Variants in VIPR2 observed in about 807,000 individuals in gnomAD.
VIPR2 encodes vasoactive intestinal peptide receptor 2.
VIPR2 carries 48 observed loss-of-function variants against 58.0 expected under a neutral mutation model. That is an observed-to-expected ratio of 0.83 (90% CI 0.66 to 1.05). VIPR2 has a LOEUF of 1.05. Among genes scored for constraint, VIPR2 ranks in the 50% least tolerant of loss-of-function variants. The pLI is 0.00. For synonymous variants in VIPR2, 243 were observed against 235.2 expected (o/e 1.03, Z -0.30); for missense variants, 534 against 558.0 (o/e 0.96, Z 0.43).
chr7:159,134,481 A>G (rs971103213), intron 2 of VIPR2, among the ~76,000 whole-genome samples: 4 of 152,202 alleles, frequency 2.6e-5, no homozygotes, highest in African/African-American at 9.6e-5. Flanking sequence ...AAAAAAGAAG[A>G]AAATGAGTAA....
In VIPR2 at chr7:159,031,486, G is replaced by A. The variant is rs571349192; in HGVS notation, c.1143+342C>T. On this transcript the variant is annotated intron_variant, in intron 12 of 12. Coordinates refer to ENST00000262178, the MANE Select transcript of VIPR2 (RefSeq NM_003382.5). This position sits in a 1 kb window ranked among gnomAD's most constrained non-coding sequence, Gnocchi z 4.0. The stretch of plus-strand genomic sequence containing the variant: ...CCCCCAACCCAGGCCCGGCTTTCTG[G>A]GACTCACAAGCTATGGTCAGGAGCG... 0.011 allele frequency: 11,060 copies of A among 985,382 alleles called. 56 individuals carry two copies. Among genetic ancestry groups the A allele is most frequent in the Non-Finnish European group, 0.013 (10,534 of 829,894 alleles). The allele number at this position is 985,382 out of a possible 1,614,324, so 61.0% of individuals were successfully genotyped here.
At chr7:159,101,499 C>T (rs189341933) in intron 4 of VIPR2, among the ~76,000 whole-genome samples, 5,733 of 73,852 alleles carry the variant, frequency 0.078, 246 homozygotes, top group Admixed American at 0.085. Context: ...TTCCCCCGAC[C>T]GTTCCTGTGG....
At chr7:159,057,291 T>C (rs971096673) in intron 5 of VIPR2, among the ~76,000 whole-genome samples, 10 of 152,134 alleles carry the variant, frequency 6.6e-5, no homozygotes, top group Non-Finnish European at 1.3e-4. Flanking sequence ...ATAAGTATAA[T>C]AGAACAAATA....
At position 159,036,774 on chromosome 7, in the gene VIPR2, C is replaced by T; in HGVS notation, c.726G>A (p.Leu242=). ...VAMLPPRRCF[L]AYLLIGWGLP... ...TACCCCATCCGATCAGGAGGTAGGC[C>T]AGGAAGCACCTTCTAGGGGGGAGCA... The change falls in exon 7 of 13, where the codon CTG becomes CTA. Residue 242 remains leucine (L), a synonymous_variant. Coordinates refer to ENST00000262178, the MANE Select transcript of VIPR2 (RefSeq NM_003382.5). The T allele has an allele frequency of 6.2e-7, 1 of 1,613,570 alleles. No homozygotes were observed. Among genetic ancestry groups the T allele is most frequent in the South Asian group, 1.1e-5 (1 of 91,006 alleles).
rs1035374773 is a variant in VIPR2 at position 159,128,771 on chromosome 7, C to T, written c.151+13675G>A. Reference sequence around the variant, plus strand: ...ACCTTCCTGAAACACAGCTCACATGCGAACCCCACTTCTCAGGAGCCTTCA... The same window carrying T: ...ACCTTCCTGAAACACAGCTCACATGTGAACCCCACTTCTCAGGAGCCTTCA... On this transcript the variant is annotated intron_variant, in intron 2 of 12. Coordinates refer to ENST00000262178, the MANE Select transcript of VIPR2 (RefSeq NM_003382.5). This position sits in a 1 kb window ranked among gnomAD's most constrained non-coding sequence, Gnocchi z 4.1. Among the ~76,000 whole-genome samples, 2 of 152,298 alleles carry T rather than the reference C, an allele frequency of 1.3e-5. No individual in the cohort carries two copies. Among genetic ancestry groups the T allele is most frequent in the South Asian group, 4.1e-4 (2 of 4,826 alleles).
chr7:159,138,658 C>T (rs565768968), intron 2 of VIPR2, among the ~76,000 whole-genome samples: 6 of 152,292 alleles, frequency 3.9e-5, no homozygotes, highest in Admixed American at 3.3e-4. Context: ...AGCAAGATGC[C>T]GAGCACATGT....
chr7:159,140,356 G>A (rs1254035573), intron 2 of VIPR2, among the ~76,000 whole-genome samples: 1 of 152,074 alleles, frequency 6.6e-6, no homozygotes, highest in Non-Finnish European at 1.5e-5. Context: ...TGTAGATTCC[G>A]GTTCACATCG....
rs1858069926 is a variant in VIPR2, at chr7:159,099,392, C to T, written c.357+4365G>A. Among the ~76,000 whole-genome samples, 1 of 152,116 alleles carries T rather than the reference C, an allele frequency of 6.6e-6. No individual in the cohort carries two copies. Among genetic ancestry groups the T allele is most frequent in the South Asian group, 2.1e-4 (1 of 4,814 alleles). On this transcript the variant is annotated intron_variant, in intron 4 of 12. Transcript: ENST00000262178. This position sits in a 1 kb window ranked among gnomAD's most constrained non-coding sequence, Gnocchi z 4.2. Reference sequence around the variant, plus strand: ...GACCCAGAAGAGCTTGCCACGTGTCCCTGGGATGCCTCACAGGGTGTGCCC... The same window carrying T: ...GACCCAGAAGAGCTTGCCACGTGTCTCTGGGATGCCTCACAGGGTGTGCCC...
rs1857996531 is a variant in VIPR2 at position 159,098,421 on chromosome 7, C to A, written c.357+5336G>T. ...CTTTACTCAGTGAAGACCTAAGACT[C>A]CCCCAGGCCTGAAAGCTGGTCTTGG... On this transcript the variant is annotated intron_variant, in intron 4 of 12. Coordinates refer to ENST00000262178, the MANE Select transcript of VIPR2 (RefSeq NM_003382.5). The surrounding 1 kb of genome is among the most constrained non-coding windows in gnomAD (Gnocchi z 5.2). Among the ~76,000 whole-genome samples the A allele has an allele frequency of 6.6e-6, 1 of 152,160 alleles. No individual in the cohort carries two copies. The highest frequency in any genetic ancestry group is 2.4e-5 in the African/African-American group (1 of 41,432).
intron 5 of VIPR2, among the ~76,000 whole-genome samples, chr7:159,046,545 T>A (rs887331674): frequency 2.1e-5 from 3 of 142,708 alleles, no homozygotes; most frequent in Admixed American, 1.5e-4. Flanking sequence ...GGGGAGTGAC[T>A]GCCTCATGTA....
chr7:159,104,180 A>G (rs892735219), intron 3 of VIPR2, among the ~76,000 whole-genome samples: 11 of 152,280 alleles, frequency 7.2e-5, no homozygotes, highest in African/African-American at 2.2e-4. Context: ...ACCATAAGTG[A>G]TATTTATAGC....
chr7:159,029,893 G>C lies in VIPR2; in HGVS notation c.*723C>G, dbSNP rs1853434947. On this transcript the variant is annotated 3_prime_UTR_variant, in exon 13 of 13. Transcript: ENST00000262178. ...CCTGTTGATTTCTCCTGGTCCTAAC[G>C]TCAGGGGGGCCCTGACTGGCTTCCC... is the stretch of plus-strand genomic sequence containing the variant. The C allele has an allele frequency of 6.6e-6, 1 of 152,314 alleles. No homozygotes were observed. 9.4% of individuals were successfully genotyped at this position (152,314 alleles called of 1,614,324 possible). A position where few individuals can be genotyped will look rare whatever the true frequency, so the allele number is the denominator to read the frequency against.
At chr7:159,110,013 T>C (rs1387967089) in intron 2 of VIPR2, 94 bp from the exon 3 acceptor site, 1 of 1,184,442 alleles carries the variant, frequency 8.4e-7, no homozygotes, top group Non-Finnish European at 1.2e-6. Flanking sequence ...CGCAAACTCC[T>C]TTCCTGTGAA....
rs1161371382 is a variant in VIPR2 at position 159,096,778 on chromosome 7, G to A, written c.357+6979C>T. On this transcript the variant is annotated intron_variant, in intron 4 of 12. Transcript: ENST00000262178. The surrounding 1 kb of genome is among the most constrained non-coding windows in gnomAD (Gnocchi z 5.5). ...TGTGGCCAGATTTCTGCCCCTGCCT[G>A]AGGTCAGTCTCGTGGCCCCCGCAGC... 7.1e-7 allele frequency: 1 copy of A among 1,411,486 alleles called. No homozygotes were observed. Among genetic ancestry groups the A allele is most frequent in the Non-Finnish European group, 9.3e-7 (1 of 1,077,894 alleles). The allele number at this position is 1,411,486 out of a possible 1,614,324, so 87.4% of individuals were successfully genotyped here. A position where few individuals can be genotyped will look rare whatever the true frequency, so the allele number is the denominator to read the frequency against.
At chr7:159,064,962 G>A (rs570451864) in intron 4 of VIPR2, among the ~76,000 whole-genome samples, 3 of 152,172 alleles carry the variant, frequency 2.0e-5, no homozygotes, top group African/African-American at 4.8e-5. Context: ...CACCTCTACC[G>A]AGAACCTGCC....
Position 159,030,585 on chromosome 7 carries a change from C to T in VIPR2, c.*31G>A. The T allele has an allele frequency of 1.3e-6, 2 of 1,503,536 alleles. No homozygotes were observed. Among genetic ancestry groups the T allele is most frequent in the Non-Finnish European group, 1.8e-6 (2 of 1,122,740 alleles). The allele number at this position is 1,503,536 out of a possible 1,614,324, so 93.1% of individuals were successfully genotyped here. A position where few individuals can be genotyped will look rare whatever the true frequency, so the allele number is the denominator to read the frequency against. ...CCCGCAGAAGCCCCGAACCGTGGGC[C>T]TCCCGCCGCGTCCGACAGGCAGGGG... On this transcript the variant is annotated 3_prime_UTR_variant, in exon 13 of 13. Transcript: ENST00000262178.
At position 159,042,314 on chromosome 7, in the gene VIPR2, G is replaced by A. The variant is rs186405649; in HGVS notation, c.597+721C>T. Among the ~76,000 whole-genome samples the A allele has an allele frequency of 3.9e-5, 6 of 152,270 alleles. No individual in the cohort carries two copies. The South Asian group carries it at 6.2e-4, about 16-fold the overall frequency. ...GGCACGAATCCTTCACAAAGATGCC[G>A]AGCATGTGGAGTGCTCTGGGCCAGC... On this transcript the variant is annotated intron_variant, in intron 6 of 12. Transcript: ENST00000262178.
chr7:159,062,727 C>G (rs183250642), intron 4 of VIPR2, among the ~76,000 whole-genome samples: 19 of 152,326 alleles, frequency 1.2e-4, no homozygotes, highest in South Asian at 4.1e-4. Context: ...ACTGCCACAG[C>G]ACATAAGGAG....
At chr7:159,032,109 G>A (rs369406175) in intron 10 of VIPR2, 42 bp from the exon 11 acceptor site, 4 of 1,610,826 alleles carry the variant, frequency 2.5e-6, no homozygotes, top group African/African-American at 1.3e-5. Context: ...CTGGACCCTC[G>A]GACCCTCTGC....
Sources: allele counts gnomAD v4.1 joint callset (sites outside exome capture counted in the v4.1 genomes callset), GRCh38; gene constraint gnomAD v4.1.1; non-coding constraint Gnocchi (gnomAD v3.1); transcripts MANE v1.5; gene names NCBI Gene and HGNC (gene_info 2026-07-23, HGNC 2026-07-21).